SAMD3: variants seen among roughly 807,000 people sequenced by gnomAD.
SAMD3 encodes the protein sterile alpha motif domain-containing protein 3.
SAMD3 carries 63 observed loss-of-function variants against 58.5 expected under a neutral mutation model. The ratio of observed to expected loss-of-function variants is 1.08; its 90% CI spans 0.88 to 1.33. The LOEUF (loss-of-function observed/expected upper bound fraction) is 1.33. Among genes scored for constraint, SAMD3 ranks in the 40% most tolerant of loss-of-function variants. SAMD3 has a pLI of 0.00. For missense variants in SAMD3, 604 were observed against 608.4 expected, an observed-to-expected ratio of 0.99 and a Z score of 0.08; for synonymous variants, 220 against 210.3, an observed-to-expected ratio of 1.05 and a Z score of -0.40.
intron 2 of SAMD3, among the ~76,000 whole-genome samples, chr6:130,243,147 C>A (rs757417570): frequency 6.6e-6 from 1 of 152,202 alleles, no homozygotes; most frequent in Admixed American, 6.5e-5. Flanking sequence ...CATGACCCAA[C>A]GGGGACAAGT....
intron 8 of SAMD3, among the ~76,000 whole-genome samples, chr6:130,167,943 T>C (rs1790871527): frequency 6.6e-6 from 1 of 152,198 alleles, no homozygotes. Context: ...TCAGGTATGT[T>C]GACTCACAGG....
Position 130,263,676 on chromosome 6 carries a change from G to A in SAMD3, c.-187-40863C>T, listed in dbSNP as rs375329744. Among the ~76,000 whole-genome samples, 36 of 152,070 alleles carry A rather than the reference G, an allele frequency of 2.4e-4. No individual in the cohort carries two copies. The East Asian group carries it at 2.5e-3, about 11-fold the overall frequency. ...TTATTAACATAACCAAGTCAATTTC[G>A]CCTCAAACTATTGCATCTAATGCTT... On this transcript the variant is annotated intron_variant, in intron 2 of 13. Transcript: ENST00000368134.
At chr6:130,280,541 A>G (rs902495156) in intron 2 of SAMD3, among the ~76,000 whole-genome samples, 14 of 151,660 alleles carry the variant, frequency 9.2e-5, no homozygotes, top group Admixed American at 8.5e-4. Context: ...TCTCCTCTGA[A>G]CTCTCTTCTA....
In SAMD3 at chr6:130,166,814, C is replaced by A. The variant is rs185588309; in HGVS notation, c.822+9027G>T. Among the ~76,000 whole-genome samples, 8 of 152,256 alleles carry A rather than the reference C, an allele frequency of 5.3e-5. No homozygotes were observed. In the East Asian group the frequency reaches 1.5e-3, roughly 29 times the overall value. ...TAATCCATGGAAATGTAAATCACAG[C>A]AAGAATGAAATTATGCTTTATACCT... On this transcript the variant is annotated intron_variant, in intron 8 of 11. Coordinates refer to ENST00000439090, the MANE Select transcript of SAMD3 (RefSeq NM_001017373.4).
chr6:130,190,376 A>T (rs1317983970), intron 5 of SAMD3, among the ~76,000 whole-genome samples: 1 of 152,160 alleles, frequency 6.6e-6, no homozygotes, highest in Non-Finnish European at 1.5e-5. Flanking sequence ...TTAGAATGTG[A>T]TGCTAAGATG....
At chr6:130,185,097 T>C (rs1792808248) in intron 5 of SAMD3, among the ~76,000 whole-genome samples, 1 of 152,208 alleles carries the variant, frequency 6.6e-6, no homozygotes, top group African/African-American at 2.4e-5. Context: ...ATTTAGTTTG[T>C]CTTTGCCTAT....
intron 7 of SAMD3, among the ~76,000 whole-genome samples, chr6:130,182,062 CT>C (rs1207169428): frequency 6.8e-5 from 6 of 88,734 alleles, no homozygotes; most frequent in Non-Finnish European, 1.1e-4. Flanking sequence ...AAGACTCTGT[CT>C]CAAAAAAAAA....
chr6:130,317,660 C>G (rs1208410417), intron 1 of SAMD3, among the ~76,000 whole-genome samples: 1 of 152,152 alleles, frequency 6.6e-6, no homozygotes, highest in Non-Finnish European at 1.5e-5. Flanking sequence ...AATTTCTGCT[C>G]TTGATCAAGA....
In SAMD3 at chr6:130,208,960, T is replaced by C. The variant is rs936596521; in HGVS notation, c.383+535A>G. On this transcript the variant is annotated intron_variant, in intron 5 of 11. Coordinates refer to ENST00000439090, the MANE Select transcript of SAMD3 (RefSeq NM_001017373.4). The stretch of plus-strand genomic sequence containing the variant: ...CAGCACCAAATCCTACATGTGGTTC[T>C]CTAAGTCTACAGTTTTTCCTTTGTT... Among the ~76,000 whole-genome samples the C allele has an allele frequency of 2.0e-5, 3 of 152,218 alleles. No homozygotes were observed. In the East Asian group the frequency reaches 5.8e-4, roughly 29 times the overall value.
intron 2 of SAMD3, among the ~76,000 whole-genome samples, chr6:130,235,387 C>T (rs1773112857): frequency 6.6e-6 from 1 of 152,200 alleles, no homozygotes; most frequent in Non-Finnish European, 1.5e-5. Context: ...TTATTCCCTA[C>T]TGTGCTTGAG....
chr6:130,261,626 G>A (rs980347964), intron 2 of SAMD3, among the ~76,000 whole-genome samples: 17 of 152,216 alleles, frequency 1.1e-4, no homozygotes, highest in African/African-American at 4.1e-4. Flanking sequence ...TCTCGAAGAA[G>A]CATGGGTCAG....
At chr6:130,281,465 C>T (rs1200079088) in intron 2 of SAMD3, among the ~76,000 whole-genome samples, 1 of 152,076 alleles carries the variant, frequency 6.6e-6, no homozygotes, top group Non-Finnish European at 1.5e-5. Context: ...AACTTGAAAG[C>T]TTGTGAATGA....
chr6:130,246,371 CCA>C (rs1301086330), intron 2 of SAMD3, among the ~76,000 whole-genome samples: 1 of 152,078 alleles, frequency 6.6e-6, no homozygotes, highest in Non-Finnish European at 1.5e-5. Context: ...GGAAGTGTAA[CCA>C]CACAAAAGAG....
intron 5 of SAMD3, among the ~76,000 whole-genome samples, chr6:130,195,367 T>C (rs970128654): frequency 2.0e-5 from 3 of 152,210 alleles, no homozygotes; most frequent in Non-Finnish European, 4.4e-5. Context: ...TAAAGCCTGT[T>C]ATCACTCGCC....
intron 2 of SAMD3, among the ~76,000 whole-genome samples, chr6:130,243,321 T>C (rs1412859817): frequency 6.6e-6 from 1 of 152,184 alleles, no homozygotes; most frequent in Non-Finnish European, 1.5e-5. Flanking sequence ...CACCAGACTT[T>C]GCTGAGTCCT....
At position 130,211,275 on chromosome 6, in the gene SAMD3, AATTTTTTT is replaced by A. The variant is rs746259230; in HGVS notation, c.270-1675_270-1668del. Reference sequence around the variant, plus strand: ...ATTCTTTCAATCAATTGCCAATCAGAATTTTTTTTTTTTTTTTTTTTTTTCTGAGACAG... The same window carrying A: ...ATTCTTTCAATCAATTGCCAATCAGATTTTTTTTTTTTTTTTCTGAGACAG... On this transcript the variant is annotated intron_variant, in intron 4 of 11. Coordinates refer to ENST00000439090, the MANE Select transcript of SAMD3 (RefSeq NM_001017373.4). 1.7e-3 allele frequency among the ~76,000 whole-genome samples: 224 copies of A among 134,394 alleles called. 2 individuals are homozygous for A. Among genetic ancestry groups the A allele is most frequent in the African/African-American group, 2.9e-3 (104 of 36,152 alleles). The allele number at this position is 134,394 out of a possible 152,430, so 88.2% of individuals were successfully genotyped here.
At chr6:130,248,131 C>T (rs1325733776) in intron 2 of SAMD3, among the ~76,000 whole-genome samples, 1 of 151,906 alleles carries the variant, frequency 6.6e-6, no homozygotes, top group Non-Finnish European at 1.5e-5. Flanking sequence ...CTTTTGATCA[C>T]CCTGTTATTT....
At chr6:130,177,918 C>T (rs1260855724) in intron 7 of SAMD3, among the ~76,000 whole-genome samples, 1 of 152,062 alleles carries the variant, frequency 6.6e-6, no homozygotes, top group Non-Finnish European at 1.5e-5. Flanking sequence ...AGAAGCAAGA[C>T]TCTGAGTCTT....
upstream of SAMD3, among the ~76,000 whole-genome samples, chr6:130,224,613 A>T (rs1163093962): frequency 7.4e-6 from 1 of 135,878 alleles, no homozygotes; most frequent in African/African-American, 3.4e-5. Context: ...TATTATTATT[A>T]TTATTATTAT....
Sources: allele counts gnomAD v4.1 joint callset (sites outside exome capture counted in the v4.1 genomes callset), GRCh38; gene constraint gnomAD v4.1.1; transcripts MANE v1.5; gene names NCBI Gene and HGNC (gene_info 2026-07-23, HGNC 2026-07-21).